Variants in KAZN observed in about 807,000 individuals in gnomAD.
The protein encoded by KAZN is kazrin.
Under a neutral mutation model 87.4 loss-of-function variants are expected in KAZN, and 40 were observed. That is an observed-to-expected ratio of 0.46 (90% CI 0.36 to 0.60). The LOEUF (loss-of-function observed/expected upper bound fraction) is 0.60, where lower values mean the gene tolerates loss of function less well. Among genes scored for constraint, KAZN ranks in the 20% least tolerant of loss-of-function variants. The pLI is 0.00. For missense variants in KAZN, 898 were observed against 1,073.9 expected, an observed-to-expected ratio of 0.84 and a Z score of 2.29; for synonymous variants, 466 against 458.3, an observed-to-expected ratio of 1.02 and a Z score of -0.22.
chr1:15,112,305 C>T, intron 13 of KAZN, 122 bp from the exon 14 acceptor site: 1 of 697,976 alleles, frequency 1.4e-6, no homozygotes, highest in South Asian at 1.7e-5. Flanking sequence ...CAGTCGGTCT[C>T]AGCAGCTGTG....
At chr1:15,003,567 C>T (rs928592697) in intron 2 of KAZN, among the ~76,000 whole-genome samples, 1 of 152,140 alleles carries the variant, frequency 6.6e-6, no homozygotes, top group African/African-American at 2.4e-5. Flanking sequence ...ATCTATTTTG[C>T]CCACTGGGTT....
chr1:14,489,271 T>C (rs986147281), intron 2 of KAZN, among the ~76,000 whole-genome samples: 3 of 152,226 alleles, frequency 2.0e-5, no homozygotes, highest in Admixed American at 2.0e-4. Flanking sequence ...ACTCTATATA[T>C]CTATTATACA....
chr1:14,842,109 G>A (rs999527634), intron 1 of KAZN, among the ~76,000 whole-genome samples: 2 of 152,072 alleles, frequency 1.3e-5, no homozygotes, highest in Admixed American at 6.6e-5. Context: ...GCTATCTTTT[G>A]CTGATTTGTC....
At chr1:14,805,412 T>C (rs1057109892) in intron 1 of KAZN, among the ~76,000 whole-genome samples, 1 of 151,958 alleles carries the variant, frequency 6.6e-6, no homozygotes, top group Non-Finnish European at 1.5e-5. Flanking sequence ...TCGTTTTCCA[T>C]TGGCCAGAAC....
chr1:14,924,056 G>C (rs1658850377), intron 1 of KAZN: 1 of 925,824 alleles, frequency 1.1e-6, no homozygotes, highest in African/African-American at 1.8e-5. Flanking sequence ...GCGGGGCGGG[G>C]GCGGGGCGGG....
intron 1 of KAZN, among the ~76,000 whole-genome samples, chr1:14,082,142 T>A (rs920713215): frequency 6.6e-6 from 1 of 152,168 alleles, no homozygotes; most frequent in Admixed American, 6.5e-5. Flanking sequence ...GGTGTGTTCA[T>A]CCCTGAGTGG....
chr1:14,804,192 A>G (rs1436609010), intron 1 of KAZN, among the ~76,000 whole-genome samples: 1 of 152,172 alleles, frequency 6.6e-6, no homozygotes, highest in Non-Finnish European at 1.5e-5. Context: ...TCTGTTGGGC[A>G]GGGGTCTTTA....
chr1:14,065,163 T>G (rs1389882083), intron 1 of KAZN, among the ~76,000 whole-genome samples: 6 of 152,222 alleles, frequency 3.9e-5, no homozygotes, highest in Admixed American at 3.9e-4. Flanking sequence ...TTTCATCCAA[T>G]GTTGCAAAGC....
intron 2 of KAZN, among the ~76,000 whole-genome samples, chr1:14,540,040 A>G (rs1250227194): frequency 1.3e-5 from 2 of 152,092 alleles, no homozygotes; most frequent in Non-Finnish European, 2.9e-5. Context: ...TAGGGGAGAG[A>G]GGGATGTGAA....
chr1:14,325,831 G>A (rs1213629933), intron 2 of KAZN, among the ~76,000 whole-genome samples: 1 of 152,154 alleles, frequency 6.6e-6, no homozygotes, highest in East Asian at 1.9e-4. Context: ...CTTTCATCAC[G>A]TGGCTTGAGA....
At chr1:15,089,829 C>T (rs1640451350) in intron 8 of KAZN, among the ~76,000 whole-genome samples, 1 of 148,996 alleles carries the variant, frequency 6.7e-6, no homozygotes, top group African/African-American at 2.5e-5. Context: ...CTAGAGTTGG[C>T]ATCAGTTCAT....
chr1:14,585,153 C>T (rs560747449), intron 2 of KAZN, among the ~76,000 whole-genome samples: 2 of 152,306 alleles, frequency 1.3e-5, no homozygotes, highest in East Asian at 3.9e-4. Context: ...ACCCCTTGAC[C>T]TTGGACTTCC....
chr1:14,130,261 C>T (rs1644964284), intron 1 of KAZN, among the ~76,000 whole-genome samples: 1 of 152,108 alleles, frequency 6.6e-6, no homozygotes. Flanking sequence ...GGGCAGGTGG[C>T]TGGGGGCCCC....
chr1:14,477,177 T>G (rs1668782617), intron 2 of KAZN, among the ~76,000 whole-genome samples: 1 of 152,164 alleles, frequency 6.6e-6, no homozygotes, highest in African/African-American at 2.4e-5. Context: ...ACTATTCTAG[T>G]GATAGTGAAT....
rs148139543 is a variant in KAZN at position 14,425,007 on chromosome 1, G to A, written c.250-173976G>A. Among the ~76,000 whole-genome samples, 730 of 152,328 alleles carry A rather than the reference G, an allele frequency of 4.8e-3. 7 individuals are homozygous for A. Among genetic ancestry groups the A allele is most frequent in the African/African-American group, 0.016 (684 of 41,564 alleles). ...CAAAAGCACATAATGAAAAACATAA[G>A]TCACTTTAACAAAACAGAGCTTGAA... On this transcript the variant is annotated intron_variant, in intron 2 of 16. Transcript: ENST00000636203.
chr1:14,755,479 A>AT (rs962013868), intron 1 of KAZN, among the ~76,000 whole-genome samples: 23 of 152,218 alleles, frequency 1.5e-4, no homozygotes, highest in African/African-American at 5.5e-4. Context: ...GTGGTTGTAG[A>AT]TTTTTTTTAA....
At chr1:13,900,275 G>C (rs1359704787) in intron 1 of KAZN, among the ~76,000 whole-genome samples, 2 of 152,154 alleles carry the variant, frequency 1.3e-5, no homozygotes, top group Middle Eastern at 6.8e-3. Flanking sequence ...ACACATGTGA[G>C]GCACAATGGA....
At chr1:14,397,115 T>C (rs927959804) in intron 2 of KAZN, among the ~76,000 whole-genome samples, 2 of 152,176 alleles carry the variant, frequency 1.3e-5, no homozygotes, top group Non-Finnish European at 2.9e-5. Context: ...CCACTTCCTC[T>C]CTCTCTGTAG....
At chr1:14,703,075 A>G (rs2148808490) in intron 1 of KAZN, among the ~76,000 whole-genome samples, 1 of 152,340 alleles carries the variant, frequency 6.6e-6, no homozygotes, top group East Asian at 1.9e-4. Flanking sequence ...AAATTTTCCT[A>G]AGGTCAGGTG....
Sources: gnomAD v4.1 joint callset for allele counts (sites outside exome capture counted in the v4.1 genomes callset) on GRCh38, gnomAD v4.1.1 for gene constraint, MANE v1.5 for transcripts, NCBI Gene and HGNC (gene_info 2026-07-23, HGNC 2026-07-21) for gene names.